Variants in PCDH7 observed in about 807,000 individuals in gnomAD.
The protein encoded by PCDH7 is protocadherin-7.
A neutral mutation model predicts 58.9 loss-of-function variants in PCDH7; 17 were observed. That is an observed-to-expected ratio of 0.29 (90% confidence interval 0.20 to 0.43). The LOEUF (loss-of-function observed/expected upper bound fraction) is 0.43. PCDH7 is among the 20% of genes least tolerant of loss of function. The pLI is 1.00. For missense variants in PCDH7, 1,274 were observed against 1,441.0 expected (o/e 0.88, Z 1.88); for synonymous variants, 664 against 616.4 (o/e 1.08, Z -1.14).
chr4:30,864,116 C>T (rs1734558806), intron 1 of PCDH7, among the ~76,000 whole-genome samples: 1 of 150,974 alleles, frequency 6.6e-6, no homozygotes, highest in Non-Finnish European at 1.5e-5. Flanking sequence ...AAGACCATCT[C>T]TTTTTTTTTG....
At chr4:31,038,900 G>C (rs1755623842) in intron 3 of PCDH7, among the ~76,000 whole-genome samples, 1 of 152,096 alleles carries the variant, frequency 6.6e-6, no homozygotes, top group Non-Finnish European at 1.5e-5. Flanking sequence ...TGTTAAACCT[G>C]AGATAAGTTA....
At chr4:30,957,797 G>A (rs748088215) in intron 3 of PCDH7, among the ~76,000 whole-genome samples, 4 of 152,058 alleles carry the variant, frequency 2.6e-5, no homozygotes, top group African/African-American at 4.8e-5. Context: ...GGGAACTGAA[G>A]TTCTGATTTT....
At chr4:31,058,561 T>C (rs1162434521) in intron 3 of PCDH7, among the ~76,000 whole-genome samples, 1 of 152,080 alleles carries the variant, frequency 6.6e-6, no homozygotes, top group Non-Finnish European at 1.5e-5. Context: ...GATGGTTTTC[T>C]AATTTTTATT....
intron 1 of PCDH7, among the ~76,000 whole-genome samples, chr4:30,730,013 C>A (rs2109236230): frequency 6.6e-6 from 1 of 152,016 alleles, no homozygotes; most frequent in Admixed American, 6.6e-5. Context: ...GCCATTACTT[C>A]AACACAGCAA....
chr4:30,914,769 C>T (rs1015371029), intron 1 of PCDH7, among the ~76,000 whole-genome samples: 2 of 152,100 alleles, frequency 1.3e-5, no homozygotes, highest in African/African-American at 4.8e-5. Flanking sequence ...CTCATTAATT[C>T]TGAGAGAATG....
At position 30,868,623 on chromosome 4, in the gene PCDH7, G is replaced by GA. The variant is rs145428674; in HGVS notation, c.71-51521dup. 8.0e-3 allele frequency among the ~76,000 whole-genome samples: 1,206 copies of GA among 150,910 alleles called. 8 individuals are homozygous for GA. Among genetic ancestry groups the GA allele is most frequent in the African/African-American group, 0.018 (756 of 41,164 alleles). ...TAATTAAATGATAAACTCTCTGATG[G>GA]AAAAAAAAATCTATGTTTATGTAAG... is the stretch of plus-strand genomic sequence containing the variant. On this transcript the variant is annotated intron_variant, in intron 1 of 3. Transcript: ENST00000509759.
At chr4:30,962,190 G>A (rs972601334) in intron 3 of PCDH7, among the ~76,000 whole-genome samples, 7 of 152,052 alleles carry the variant, frequency 4.6e-5, no homozygotes, top group Non-Finnish European at 8.8e-5. Context: ...GACCATTAAG[G>A]TCCTAAAACA....
At chr4:30,763,337 A>C (rs1459726323) in intron 1 of PCDH7, among the ~76,000 whole-genome samples, 2 of 152,258 alleles carry the variant, frequency 1.3e-5, no homozygotes, top group African/African-American at 4.8e-5. Flanking sequence ...ATTTCTCAGA[A>C]ACATATTGCT....
chr4:30,906,389 C>G (rs1011915239), intron 1 of PCDH7, among the ~76,000 whole-genome samples: 2 of 152,020 alleles, frequency 1.3e-5, no homozygotes, highest in Non-Finnish European at 2.9e-5. Context: ...ACATCAAAAC[C>G]ACTATTTGAA....
chr4:30,727,705 A>G (rs3775332), intron 1 of PCDH7, among the ~76,000 whole-genome samples: 22,055 of 151,860 alleles, frequency 0.15, 1,842 homozygotes, highest in East Asian at 0.31. Flanking sequence ...CTAGAAGTAC[A>G]ACTGTGTTTT....
chr4:31,078,550 G>A lies in PCDH7; in HGVS notation c.*8-63923G>A, dbSNP rs538278954. Among the ~76,000 whole-genome samples the A allele has an allele frequency of 5.5e-5, 8 of 145,086 alleles. No individual in the cohort carries two copies. The South Asian group carries it at 8.7e-4, about 16-fold the overall frequency. ...GCTGCCCAGGCTGGTCTTGAACTCT[G>A]AGCCTCAAGCTATCAAGCAATGCTC... On this transcript the variant is annotated intron_variant, in intron 3 of 3. Transcript: ENST00000509759.
intron 1 of PCDH7, among the ~76,000 whole-genome samples, chr4:30,814,529 T>C (rs1039542724): frequency 1.3e-5 from 2 of 152,112 alleles, no homozygotes; most frequent in African/African-American, 4.8e-5. Context: ...GTAATATATT[T>C]TTACCTTTTT....
chr4:30,916,549 C>T (rs1481558076), intron 1 of PCDH7, among the ~76,000 whole-genome samples: 1 of 152,180 alleles, frequency 6.6e-6, no homozygotes, highest in African/African-American at 2.4e-5. Flanking sequence ...AGCTCTTTTG[C>T]TTTCTCTTCT....
At chr4:31,041,463 G>C (rs1197900924) in intron 3 of PCDH7, among the ~76,000 whole-genome samples, 3 of 152,074 alleles carry the variant, frequency 2.0e-5, no homozygotes, top group African/African-American at 7.2e-5. Flanking sequence ...TATCATGGCT[G>C]CAATTTTCAA....
At chr4:31,083,309 CATA>C (rs1434607922) in intron 3 of PCDH7, among the ~76,000 whole-genome samples, 4 of 151,856 alleles carry the variant, frequency 2.6e-5, no homozygotes, top group Non-Finnish European at 5.9e-5. Flanking sequence ...AATAAAACAT[CATA>C]ATAAGAATAA....
intron 1 of PCDH7, among the ~76,000 whole-genome samples, chr4:30,894,158 C>T (rs1044279799): frequency 6.6e-6 from 1 of 152,010 alleles, no homozygotes; most frequent in Non-Finnish European, 1.5e-5. Context: ...TCCAGTGAAA[C>T]TGTGGGACCT....
chr4:31,130,336 G>A (rs2109335545), intron 3 of PCDH7, among the ~76,000 whole-genome samples: 1 of 152,260 alleles, frequency 6.6e-6, no homozygotes, highest in South Asian at 2.1e-4. Flanking sequence ...ATACTAGAGT[G>A]AAGTAGAATT....
Position 30,722,170 on chromosome 4 carries a change from G to A in PCDH7, c.748G>A (p.Asp250Asn), listed in dbSNP as rs781016858. ...CAGCGTGTTCGAGCTGCAGGTGGCG[G>A]ACACCCCGGACGGCGAGAAGCAGCC... Residue 250 changes from aspartate (D) to asparagine (N), a missense_variant, in exon 1 of 2, where the codon GAC becomes AAC. By Grantham distance (23) the Asp-to-Asn change is conservative. Around this residue, in one of 3 missense-constraint regions of PCDH7, gnomAD observed 331 missense variants for 303.2 expected, o/e 1.09. Transcript: ENST00000361762. The surrounding 1 kb of genome is among the most constrained non-coding windows in gnomAD (Gnocchi z 7.6). 7 of 1,538,298 alleles carry A rather than the reference G, an allele frequency of 4.6e-6. No homozygotes were observed.
At chr4:30,760,976 G>A (rs1369797394) in intron 1 of PCDH7, among the ~76,000 whole-genome samples, 8 of 152,166 alleles carry the variant, frequency 5.3e-5, no homozygotes, top group Non-Finnish European at 1.0e-4. Context: ...CTTGAAAAAT[G>A]AGACGTCTGT....
Sources: gnomAD v4.1 joint callset for allele counts (sites outside exome capture counted in the v4.1 genomes callset) on GRCh38, gnomAD v4.1.1 for gene constraint, gnomAD v4.1.1 regional missense constraint, Gnocchi (gnomAD v3.1) non-coding constraint, MANE v1.5 for transcripts, NCBI Gene and HGNC (gene_info 2026-07-23, HGNC 2026-07-21) for gene names.